Variants in PRIM2 observed in about 807,000 individuals in gnomAD.
PRIM2 encodes the protein DNA primase large subunit.
PRIM2 carries 39 observed loss-of-function variants against 67.3 expected under a neutral mutation model. That is an observed-to-expected ratio of 0.58 (90% CI 0.45 to 0.76). The LOEUF is 0.76. Ranked by LOEUF, PRIM2 falls within the 30% of genes least tolerant of loss-of-function variation. The pLI is 0.00. For synonymous variants in PRIM2, 143 were observed against 198.7 expected, an observed-to-expected ratio of 0.72 and a Z score of 2.36; for missense variants, 398 against 598.7, an observed-to-expected ratio of 0.66 and a Z score of 3.50.
At chr6:57,280,327 C>T in the PRIM2 span, among the ~76,000 whole-genome samples, 46 of 151,908 alleles carry the variant, frequency 3.0e-4, no homozygotes, top group Non-Finnish European at 4.6e-4. Flanking sequence ...TTTGTTTATA[C>T]AACTTTACAT....
intron 5 of PRIM2, among the ~76,000 whole-genome samples, chr6:57,357,153 T>C (rs62415819): frequency 3.9e-5 from 6 of 152,162 alleles, no homozygotes; most frequent in African/African-American, 9.6e-5. Flanking sequence ...AAGCTGGTCT[T>C]GAACTCCTGA....
At chr6:57,644,597 A>G (rs1450559532) in intron 13 of PRIM2, among the ~76,000 whole-genome samples, 2 of 152,244 alleles carry the variant, frequency 1.3e-5, no homozygotes, top group Non-Finnish European at 2.9e-5. Flanking sequence ...ATGCAAAATT[A>G]TCACTGGTAT....
At chr6:57,519,402 A>AG (rs1422986436) in intron 8 of PRIM2, among the ~76,000 whole-genome samples, 1 of 152,212 alleles carries the variant, frequency 6.6e-6, no homozygotes. Flanking sequence ...GGCTACGCCC[A>AG]GGGGGGCCGT....
At chr6:57,606,554 T>C (rs1562801809) in intron 12 of PRIM2, 97 bp downstream of exon 12, 18 of 868,580 alleles carry the variant, frequency 2.1e-5, no homozygotes, top group Non-Finnish European at 3.3e-5. Flanking sequence ...GTGTACTACT[T>C]GTCAGGCCTC....
intron 9 of PRIM2, among the ~76,000 whole-genome samples, chr6:57,534,654 T>A (rs1774963466): frequency 6.6e-6 from 1 of 152,224 alleles, no homozygotes; most frequent in African/African-American, 2.4e-5. Context: ...AACCCTCTAG[T>A]GGGTTTTTAT....
chr6:57,241,688 A>ATTTTTTTTTTTTT, the PRIM2 span, among the ~76,000 whole-genome samples: 1 of 119,112 alleles, frequency 8.4e-6, no homozygotes, highest in African/African-American at 3.2e-5. Context: ...AGAACTATGT[A>ATTTTTTTTTTTTT]TTTTTTTTTT....
At chr6:57,324,325 G>A (rs972567664) in intron 4 of PRIM2, 45 bp downstream of exon 4, 2 of 1,229,816 alleles carry the variant, frequency 1.6e-6, no homozygotes, top group Non-Finnish European at 1.2e-6. Flanking sequence ...GGTGTCATGG[G>A]TTATAAATTG....
intron 5 of PRIM2, among the ~76,000 whole-genome samples, chr6:57,374,887 G>A (rs1244361121): frequency 6.6e-6 from 1 of 152,258 alleles, no homozygotes; most frequent in Admixed American, 6.5e-5. Context: ...CACTCAGCTG[G>A]AATGCTAGTG....
At chr6:57,586,664 A>G (rs1199226334) in intron 10 of PRIM2, among the ~76,000 whole-genome samples, 2 of 152,206 alleles carry the variant, frequency 1.3e-5, no homozygotes, top group African/African-American at 4.8e-5. Context: ...TCTCACAGGA[A>G]TCTTGGAAAT....
intron 13 of PRIM2, among the ~76,000 whole-genome samples, chr6:57,638,347 G>C (rs1777160717): frequency 6.6e-6 from 1 of 151,856 alleles, no homozygotes; most frequent in Non-Finnish European, 1.5e-5. Flanking sequence ...ATCAACTAAT[G>C]GGCAAAATAA....
chr6:57,527,491 T>TC (rs1489453823), intron 8 of PRIM2, among the ~76,000 whole-genome samples: 4 of 152,192 alleles, frequency 2.6e-5, no homozygotes, highest in South Asian at 2.1e-4. Flanking sequence ...TTACTCAGGC[T>TC]CTCACCTTTC....
At chr6:57,543,680 C>T (rs1169515767) in intron 10 of PRIM2, among the ~76,000 whole-genome samples, 1 of 152,186 alleles carries the variant, frequency 6.6e-6, no homozygotes, top group Admixed American at 6.5e-5. Flanking sequence ...CAGCTCTGTT[C>T]TTGAATTGAC....
intron 10 of PRIM2, among the ~76,000 whole-genome samples, chr6:57,595,534 C>G (rs1376820935): frequency 5.0e-4 from 76 of 152,156 alleles, no homozygotes; most frequent in African/African-American, 1.8e-3. Context: ...CAATTGCAAG[C>G]AGTAGGTTCC....
intron 7 of PRIM2, among the ~76,000 whole-genome samples, chr6:57,460,956 C>G (rs1349573761): frequency 6.6e-6 from 1 of 152,122 alleles, no homozygotes; most frequent in African/African-American, 2.4e-5. Flanking sequence ...AAAGATGTAC[C>G]TTGTCACAGG....
At chr6:57,317,029 C>T (rs1181523468), upstream of PRIM2, among the ~76,000 whole-genome samples, 1 of 152,242 alleles carries the variant, frequency 6.6e-6, no homozygotes, top group Non-Finnish European at 1.5e-5. Context: ...TAGGGGCTTG[C>T]CGCCCAATAC....
At chr6:57,474,173 C>CTTTTTTTTTTTTT (rs1158188964) in intron 7 of PRIM2, among the ~76,000 whole-genome samples, 3 of 63,914 alleles carry the variant, frequency 4.7e-5, no homozygotes, top group Non-Finnish European at 8.0e-5. Context: ...ATTCTGCTAT[C>CTTTTTTTTTTTTT]TTTTTTTTTT....
At chr6:57,534,262 T>C (rs1774952764) in intron 9 of PRIM2, among the ~76,000 whole-genome samples, 1 of 152,150 alleles carries the variant, frequency 6.6e-6, no homozygotes, top group Non-Finnish European at 1.5e-5. Context: ...AAAGCCCTTG[T>C]GATCTTATTA....
intron 7 of PRIM2, among the ~76,000 whole-genome samples, chr6:57,464,425 G>T (rs529601486): frequency 1.3e-5 from 2 of 151,906 alleles, no homozygotes; most frequent in Non-Finnish European, 2.9e-5. Context: ...TTACAGGCAC[G>T]TGCCACCACA....
intron 7 of PRIM2, among the ~76,000 whole-genome samples, chr6:57,385,885 T>A (rs1770128736): frequency 6.6e-6 from 1 of 152,156 alleles, no homozygotes; most frequent in Non-Finnish European, 1.5e-5. Flanking sequence ...TCTGATTGAC[T>A]TTATCAAAAT....
Sources: gnomAD v4.1 joint callset for allele counts (sites outside exome capture counted in the v4.1 genomes callset) on GRCh38, gnomAD v4.1.1 for gene constraint, MANE v1.5 for transcripts, NCBI Gene and HGNC (gene_info 2026-07-23, HGNC 2026-07-21) for gene names.